SORCS3: variants seen among roughly 807,000 people sequenced by gnomAD.
SORCS3 encodes the protein sortilin related VPS10 domain containing receptor 3.
A neutral mutation model predicts 146.3 loss-of-function variants in SORCS3; 57 were observed. The ratio of observed to expected loss-of-function variants is 0.39; its 90% CI spans 0.31 to 0.49. The LOEUF is 0.49. SORCS3 is among the 20% of genes least tolerant of loss of function. The pLI is 0.92. For synonymous variants in SORCS3, 653 were observed against 618.5 expected, an observed-to-expected ratio of 1.06 and a Z score of -0.83; for missense variants, 1,341 against 1,575.5, an observed-to-expected ratio of 0.85 and a Z score of 2.52.
At chr10:104,836,972 C>T (rs1351696687) in intron 1 of SORCS3, among the ~76,000 whole-genome samples, 1 of 152,130 alleles carries the variant, frequency 6.6e-6, no homozygotes, top group Non-Finnish European at 1.5e-5. Context: ...CTCATATAAC[C>T]CCTCCTTCAT....
chr10:105,014,520 C>A (rs1366242144), intron 4 of SORCS3, among the ~76,000 whole-genome samples: 1 of 152,042 alleles, frequency 6.6e-6, no homozygotes, highest in Non-Finnish European at 1.5e-5. Context: ...AAGATTCTTG[C>A]TGCACATAAT....
In SORCS3 at chr10:104,911,299, C is replaced by T. The variant is rs548373262; in HGVS notation, c.696-4534C>T. Among the ~76,000 whole-genome samples, 267 of 152,308 alleles carry T rather than the reference C, an allele frequency of 1.8e-3. 1 individual carries two copies. Among genetic ancestry groups the T allele is most frequent in the Non-Finnish European group, 2.9e-4 (20 of 68,026 alleles). Reference sequence around the variant, plus strand: ...CCTGAGGTATCTTCATCAAATAGGACTTGTTCCTCTGAGACCAAATGAGCA... The same window carrying T: ...CCTGAGGTATCTTCATCAAATAGGATTTGTTCCTCTGAGACCAAATGAGCA... On this transcript the variant is annotated intron_variant, in intron 2 of 26. Coordinates refer to ENST00000369701, the MANE Select transcript of SORCS3 (RefSeq NM_014978.3).
chr10:104,729,257 A>G (rs565526809), intron 1 of SORCS3, among the ~76,000 whole-genome samples: 1 of 152,210 alleles, frequency 6.6e-6, no homozygotes, highest in South Asian at 2.1e-4. Context: ...TGTATATCCT[A>G]CTTTCAGCAA....
chr10:104,798,799 A>G (rs949164885), intron 1 of SORCS3, among the ~76,000 whole-genome samples: 2 of 152,214 alleles, frequency 1.3e-5, no homozygotes, highest in African/African-American at 4.8e-5. Flanking sequence ...CAATCTATCC[A>G]TCTGACAAAG....
intron 1 of SORCS3, among the ~76,000 whole-genome samples, chr10:104,668,597 C>T (rs937744865): frequency 7.2e-5 from 11 of 152,296 alleles, no homozygotes; most frequent in East Asian, 5.8e-4. Context: ...ATTGTCTTAC[C>T]ATGATGTCTG....
At chr10:105,030,789 T>A (rs1212450938) in intron 4 of SORCS3, among the ~76,000 whole-genome samples, 1 of 151,778 alleles carries the variant, frequency 6.6e-6, no homozygotes, top group Non-Finnish European at 1.5e-5. Context: ...GTTGAGGTTT[T>A]ACCATGTTGG....
intron 2 of SORCS3, among the ~76,000 whole-genome samples, chr10:104,858,898 G>A (rs1435393121): frequency 6.7e-6 from 1 of 148,792 alleles, no homozygotes; most frequent in Non-Finnish European, 1.5e-5. Flanking sequence ...TGGGATTACA[G>A]GTGTGAGCCA....
intron 4 of SORCS3, among the ~76,000 whole-genome samples, chr10:104,979,081 G>A (rs562801831): frequency 6.6e-6 from 1 of 152,276 alleles, no homozygotes; most frequent in East Asian, 1.9e-4. Flanking sequence ...ACTCCCTGAT[G>A]AAATCAAATC....
At chr10:104,881,033 T>C (rs2018625369) in intron 2 of SORCS3, among the ~76,000 whole-genome samples, 1 of 152,218 alleles carries the variant, frequency 6.6e-6, no homozygotes, top group African/African-American at 2.4e-5. Flanking sequence ...AAACTATGAT[T>C]ATTTATTTGC....
rs976639554 is a variant in SORCS3 at position 104,879,718 on chromosome 10, G to A, written c.696-36115G>A. On this transcript the variant is annotated intron_variant, in intron 2 of 26. Coordinates refer to ENST00000369701, the MANE Select transcript of SORCS3 (RefSeq NM_014978.3). ...CACTTGATGAGCAAAAGGGGTTTCC[G>A]CTGAATTTAGAAAAGGCATCCTTTC... Among the ~76,000 whole-genome samples, 12 of 152,168 alleles carry A rather than the reference G, an allele frequency of 7.9e-5. No individual in the cohort carries two copies. The East Asian group carries it at 1.7e-3, about 22-fold the overall frequency.
At chr10:105,035,168 T>C (rs925185525) in intron 4 of SORCS3, among the ~76,000 whole-genome samples, 13 of 152,222 alleles carry the variant, frequency 8.5e-5, no homozygotes, top group Admixed American at 6.5e-5. Context: ...ACAGTGTTTT[T>C]CTGGAGGGTC....
intron 1 of SORCS3, among the ~76,000 whole-genome samples, chr10:104,842,563 C>G (rs1168903823): frequency 6.6e-6 from 1 of 152,152 alleles, no homozygotes; most frequent in Non-Finnish European, 1.5e-5. Flanking sequence ...ATTTCAAATG[C>G]AAGCACTGTC....
chr10:104,878,674 A>C (rs2018600485), intron 2 of SORCS3, among the ~76,000 whole-genome samples: 1 of 152,252 alleles, frequency 6.6e-6, no homozygotes, highest in Non-Finnish European at 1.5e-5. Flanking sequence ...GGCCTTTAAA[A>C]ATAACATAAT....
chr10:104,803,988 G>T (rs1488605314), intron 1 of SORCS3, among the ~76,000 whole-genome samples: 1 of 152,182 alleles, frequency 6.6e-6, no homozygotes, highest in African/African-American at 2.4e-5. Flanking sequence ...TGAGACCCAA[G>T]TCAGCCCTGG....
chr10:104,846,269 G>C (rs1231756667), intron 2 of SORCS3, among the ~76,000 whole-genome samples: 4 of 152,066 alleles, frequency 2.6e-5, no homozygotes, highest in African/African-American at 4.8e-5. Flanking sequence ...TCTTTCTCAC[G>C]TATCTTCTAA....
chr10:104,945,859 G>T (rs1245404386), intron 3 of SORCS3, among the ~76,000 whole-genome samples: 1 of 151,786 alleles, frequency 6.6e-6, no homozygotes, highest in African/African-American at 2.4e-5. Context: ...AAGCTGAGAT[G>T]GCTTAGTTAA....
intron 4 of SORCS3, among the ~76,000 whole-genome samples, chr10:104,983,797 G>C (rs917145844): frequency 2.0e-5 from 3 of 151,806 alleles, no homozygotes; most frequent in African/African-American, 7.3e-5. Context: ...TTGTCTGCCC[G>C]ACCAGGCCAG....
At chr10:104,949,373 A>G (rs941369085) in intron 3 of SORCS3, among the ~76,000 whole-genome samples, 2 of 149,456 alleles carry the variant, frequency 1.3e-5, no homozygotes, top group African/African-American at 5.1e-5. Context: ...TTCAGTTTAA[A>G]TTGGCTGTTC....
At chr10:104,948,750 GT>G (rs2019398673) in intron 3 of SORCS3, among the ~76,000 whole-genome samples, 1 of 152,128 alleles carries the variant, frequency 6.6e-6, no homozygotes, top group East Asian at 1.9e-4. Context: ...TTTCTCAGGG[GT>G]TATCAAACAG....
Sources: allele counts gnomAD v4.1 joint callset (sites outside exome capture counted in the v4.1 genomes callset), GRCh38; gene constraint gnomAD v4.1.1; transcripts MANE v1.5; gene names NCBI Gene and HGNC (gene_info 2026-07-23, HGNC 2026-07-21).